CPA4: variants seen among roughly 807,000 people sequenced by gnomAD.
CPA4 encodes the protein carboxypeptidase A3.
Under a neutral mutation model 54.7 loss-of-function variants are expected in CPA4, and 49 were observed. The observed-to-expected ratio is 0.90, with a 90% CI of 0.71 to 1.14. The LOEUF (loss-of-function observed/expected upper bound fraction) is 1.14. Among genes scored for constraint, CPA4 ranks in the 50% most tolerant of loss-of-function variants. The pLI, the probability that CPA4 is intolerant of heterozygous loss-of-function variation, is 0.00. For synonymous variants in CPA4, 215 were observed against 206.8 expected (o/e 1.04, Z -0.34); for missense variants, 487 against 525.1 (o/e 0.93, Z 0.71).
At chr7:130,299,079 G>C (rs560373880) in intron 2 of CPA4, among the ~76,000 whole-genome samples, 191 bp from the exon 3 acceptor site, 78 of 152,268 alleles carry the variant, frequency 5.1e-4, no homozygotes, top group Non-Finnish European at 9.7e-4. Flanking sequence ...TATGACTCTT[G>C]GTCTCTGCCA....
At chr7:130,312,335 T>C (rs1793928116) in intron 10 of CPA4, among the ~76,000 whole-genome samples, 1 of 152,172 alleles carries the variant, frequency 6.6e-6, no homozygotes, top group Non-Finnish European at 1.5e-5. Flanking sequence ...GCCCATCCCT[T>C]CATTTTCAAG....
Position 130,322,515 on chromosome 7 carries a change from T to C in CPA4, c.1105T>C (p.Trp369Arg), listed in dbSNP as rs1794126680. Residue 369 changes from tryptophan to arginine, a missense_variant, in exon 11 of 11, where the codon TGG (tryptophan) becomes CGG (arginine). Trp to Arg is a moderately radical substitution (Grantham distance 101). Transcript: ENST00000222482. Reference sequence around the variant, plus strand: ...TCCAGCTAGCGGGAGCAGCATCGACTGGGCATATGACAACGGCATCAAATT... The same window carrying C: ...TCCAGCTAGCGGGAGCAGCATCGACCGGGCATATGACAACGGCATCAAATT... ...VYPASGSSID[W>R]AYDNGIKFAF... 3 of 1,613,936 alleles carry C rather than the reference T, an allele frequency of 1.9e-6. No individual in the cohort carries two copies. The highest frequency in any genetic ancestry group is 2.5e-6 in the Non-Finnish European group (3 of 1,179,944).
At chr7:130,298,158 C>T (rs6971479) in intron 1 of CPA4, among the ~76,000 whole-genome samples, 4,028 of 152,198 alleles carry the variant, frequency 0.026, 164 homozygotes, top group African/African-American at 0.091. Flanking sequence ...CACCCAGCCT[C>T]GCCTGTTTTA....
rs1794134041 is a variant in CPA4, at chr7:130,322,664, C to G, written c.1254C>G (p.Asp418Glu). The G allele has an allele frequency of 1.9e-6, 3 of 1,613,666 alleles. No homozygotes were observed. The highest frequency in any genetic ancestry group is 2.5e-6 in the Non-Finnish European group (3 of 1,179,790). The part of the protein sequence containing the change: ...GLKTIMEHVR[D>E]NLY ...AGACCATCATGGAGCATGTGCGGGA[C>G]AACCTCTACTAGGCGATGGCTCTGC... Residue 418 changes from aspartate (D) to glutamate (E), a missense_variant, in exon 11 of 11, where the codon GAC becomes GAG. Asp to Glu is a conservative substitution (Grantham distance 45). Coordinates refer to ENST00000222482, the MANE Select transcript of CPA4 (RefSeq NM_016352.4).
In CPA4 at chr7:130,322,614, G is replaced by A; in HGVS notation, c.1204G>A (p.Ala402Thr). 1 of 1,614,220 alleles carries A rather than the reference G, an allele frequency of 6.2e-7. No homozygotes were observed. The highest frequency in any genetic ancestry group is 8.5e-7 in the Non-Finnish European group (1 of 1,180,034). Residue 402 changes from alanine to threonine, a missense_variant, in exon 11 of 11, where the codon GCA becomes ACA. Transcript: ENST00000222482. Reference protein sequence around the residue: ...LLPANQIIPTAEETWLGLKTI... With the variant: ...LLPANQIIPTTEETWLGLKTI... ...GCCAGCTAACCAGATCATCCCCACTGCAGAGGAGACGTGGCTGGGGCTGAA... is the reference window on the plus strand; with the variant it reads ...GCCAGCTAACCAGATCATCCCCACTACAGAGGAGACGTGGCTGGGGCTGAA...
intron 1 of CPA4, among the ~76,000 whole-genome samples, chr7:130,294,261 A>G (rs1562926834): frequency 6.6e-6 from 1 of 152,334 alleles, no homozygotes; most frequent in Middle Eastern, 3.4e-3. Flanking sequence ...TTCATCTCCA[A>G]ATAAAATCCT....
intron 10 of CPA4, 36 bp downstream of exon 10, chr7:130,312,158 C>T (rs564645887): frequency 6.7e-7 from 1 of 1,484,602 alleles, no homozygotes; most frequent in South Asian, 1.1e-5. Flanking sequence ...ATTTAGAAAG[C>T]ACTTTGAGAG....
At chr7:130,301,255 A>C (rs1017912678) in intron 4 of CPA4, among the ~76,000 whole-genome samples, 3 of 152,218 alleles carry the variant, frequency 2.0e-5, no homozygotes, top group Admixed American at 2.0e-4. Context: ...CACCCAGAAT[A>C]AAATGTTACT....
intron 3 of CPA4, 52 bp from the exon 4 acceptor site, chr7:130,300,764 A>T: frequency 7.5e-7 from 1 of 1,326,450 alleles, no homozygotes; most frequent in Non-Finnish European, 1.1e-6. Context: ...CAGAAAAAAC[A>T]TAAACCTGCG....
intron 10 of CPA4, among the ~76,000 whole-genome samples, chr7:130,320,647 T>TCC (rs1794078044): frequency 6.6e-6 from 1 of 152,116 alleles, no homozygotes; most frequent in African/African-American, 2.4e-5. Flanking sequence ...AGATCTGAAG[T>TCC]TGGTTGAGGA....
intron 10 of CPA4, among the ~76,000 whole-genome samples, chr7:130,316,790 G>T (rs1793993459): frequency 6.6e-6 from 1 of 151,958 alleles, no homozygotes. Flanking sequence ...TACTTTAGCT[G>T]GGCATTGTGG....
chr7:130,298,373 C>A (rs1287106849), intron 1 of CPA4, among the ~76,000 whole-genome samples: 7 of 152,118 alleles, frequency 4.6e-5, no homozygotes. Flanking sequence ...TTACAGAAAA[C>A]AGATACAAGG....
At chr7:130,314,907 C>T (rs563621010) in intron 10 of CPA4, among the ~76,000 whole-genome samples, 14 of 152,000 alleles carry the variant, frequency 9.2e-5, no homozygotes, top group African/African-American at 2.9e-4. Flanking sequence ...CTTCGGGATT[C>T]GGGTGAGGTG....
chr7:130,320,511 G>A (rs776610311), intron 10 of CPA4, among the ~76,000 whole-genome samples: 7 of 152,182 alleles, frequency 4.6e-5, no homozygotes, highest in South Asian at 2.1e-4. Context: ...GAGGGAGCAC[G>A]GAGTCTCACT....
chr7:130,315,955 A>T (rs1164316951), intron 10 of CPA4, among the ~76,000 whole-genome samples: 1 of 152,164 alleles, frequency 6.6e-6, no homozygotes, highest in African/African-American at 2.4e-5. Context: ...ATATCTCATA[A>T]AAGCGTTGTT....
chr7:130,297,627 T>G (rs1386266298), intron 1 of CPA4, among the ~76,000 whole-genome samples: 1 of 152,120 alleles, frequency 6.6e-6, no homozygotes, highest in African/African-American at 2.4e-5. Context: ...AGCAAAACCC[T>G]GAAGAGCCAT....
Position 130,310,639 on chromosome 7 carries a change from C to A in CPA4, c.794-148C>A. The A allele has an allele frequency of 2.9e-6, 2 of 681,532 alleles. No individual in the cohort carries two copies. Among genetic ancestry groups the A allele is most frequent in the Non-Finnish European group, 5.1e-6 (2 of 389,928 alleles). The allele number at this position is 681,532 out of a possible 1,614,324, so 42.2% of individuals were successfully genotyped here. On this transcript the variant is annotated intron_variant, in intron 8 of 10. Transcript: ENST00000222482. This position sits in a 1 kb window ranked among gnomAD's most constrained non-coding sequence, Gnocchi z 4.3. ...CCCTCTTCCATGCCTTCTCTGCAGT[C>A]CACACCCACCATGGACTAGGTGCTC...
intron 10 of CPA4, among the ~76,000 whole-genome samples, chr7:130,313,770 G>A (rs1793948596): frequency 6.6e-6 from 1 of 152,192 alleles, no homozygotes; most frequent in Non-Finnish European, 1.5e-5. Flanking sequence ...GATAAACTAG[G>A]ACACAGGTTC....
intron 10 of CPA4, among the ~76,000 whole-genome samples, chr7:130,321,086 T>C (rs896139299): frequency 2.0e-5 from 3 of 152,124 alleles, no homozygotes; most frequent in African/African-American, 7.2e-5. Flanking sequence ...TCCCAGCTAC[T>C]TGGGAGACTG....
Sources: allele counts gnomAD v4.1 joint callset (sites outside exome capture counted in the v4.1 genomes callset), GRCh38; gene constraint gnomAD v4.1.1; non-coding constraint Gnocchi (gnomAD v3.1); transcripts MANE v1.5; gene names NCBI Gene and HGNC (gene_info 2026-07-23, HGNC 2026-07-21).